WNT7A: variants seen among roughly 807,000 people sequenced by gnomAD.
WNT7A encodes the protein protein Wnt-7a.
A neutral mutation model predicts 28.2 loss-of-function variants in WNT7A; 16 were observed. The ratio of observed to expected loss-of-function variants is 0.57; its 90% CI spans 0.38 to 0.86. The LOEUF is 0.86. Ranked by LOEUF, WNT7A falls within the 40% of genes least tolerant of loss-of-function variation. The pLI, the probability that WNT7A is intolerant of heterozygous loss-of-function variation, is 0.00. For synonymous variants in WNT7A, 190 were observed against 195.9 expected (o/e 0.97, Z 0.25); for missense variants, 411 against 489.7 (o/e 0.84, Z 1.52).
At chr3:13,876,570 A>G (rs1178933337) in intron 1 of WNT7A, among the ~76,000 whole-genome samples, 1 of 152,160 alleles carries the variant, frequency 6.6e-6, no homozygotes, top group East Asian at 1.9e-4. Flanking sequence ...AGCTGTGGGC[A>G]GTTTTCTGGA....
At chr3:13,820,197 A>T (rs1388770070) in intron 3 of WNT7A, among the ~76,000 whole-genome samples, 2 of 152,188 alleles carry the variant, frequency 1.3e-5, no homozygotes, top group Non-Finnish European at 2.9e-5. Flanking sequence ...AAGTGAGCAC[A>T]GTTGCTGGTT....
chr3:13,869,855 A>G (rs1240038919), intron 2 of WNT7A, among the ~76,000 whole-genome samples: 1 of 152,188 alleles, frequency 6.6e-6, no homozygotes. Flanking sequence ...CCTGGCATTC[A>G]AGGGTCTTGA....
At position 13,875,109 on chromosome 3, in the gene WNT7A, G is replaced by A. The variant is rs758816232; in HGVS notation, c.136C>T (p.Pro46Ser). 5.6e-6 allele frequency: 9 copies of A among 1,614,240 alleles called. No homozygotes were observed. The South Asian group carries it at 9.9e-5, about 18-fold the overall frequency. Reference sequence around the variant, plus strand: ...CTCTGGCAGATCGCCCGCTGTCTGGGAGCCAGGCCTGGGATCTTGTTACAG... The same window carrying A: ...CTCTGGCAGATCGCCCGCTGTCTGGAAGCCAGGCCTGGGATCTTGTTACAG... ...IICNKIPGLAPRQRAICQSRP... is the reference protein window; with the variant it reads ...IICNKIPGLASRQRAICQSRP... The change falls in exon 2 of 4, where the codon CCC becomes TCC. Residue 46 changes from proline to serine, a missense_variant. Pro to Ser is a moderately conservative substitution (Grantham distance 74). Coordinates refer to ENST00000285018, the MANE Select transcript of WNT7A (RefSeq NM_004625.4).
intron 1 of WNT7A, among the ~76,000 whole-genome samples, chr3:13,878,726 T>A (rs1191118703): frequency 1.3e-5 from 2 of 152,120 alleles, no homozygotes; most frequent in East Asian, 3.9e-4. Flanking sequence ...GGGATGGTAA[T>A]GGGTTCACTG....
chr3:13,869,443 G>GAAA (rs1559307657), intron 2 of WNT7A, among the ~76,000 whole-genome samples: 1 of 131,952 alleles, frequency 7.6e-6, no homozygotes, highest in Non-Finnish European at 1.6e-5. Flanking sequence ...AGAAAGAAAA[G>GAAA]AAAAAGAAAG....
At chr3:13,847,081 C>T (rs1027270683) in intron 3 of WNT7A, among the ~76,000 whole-genome samples, 1 of 152,234 alleles carries the variant, frequency 6.6e-6, no homozygotes, top group East Asian at 1.9e-4. Flanking sequence ...TGTGGCATCA[C>T]TGACAGGACC....
intron 3 of WNT7A, among the ~76,000 whole-genome samples, chr3:13,833,335 A>G (rs921317514): frequency 6.6e-6 from 1 of 152,126 alleles, no homozygotes. Flanking sequence ...AGCCCTTCAC[A>G]CACAGTCCTG....
At chr3:13,849,846 T>C (rs1176229681) in intron 3 of WNT7A, among the ~76,000 whole-genome samples, 1 of 152,182 alleles carries the variant, frequency 6.6e-6, no homozygotes, top group African/African-American at 2.4e-5. Context: ...GCAATGGCCC[T>C]GAGGTGCGAA....
intron 3 of WNT7A, among the ~76,000 whole-genome samples, chr3:13,822,454 A>C (rs1449151090): frequency 6.6e-6 from 1 of 152,272 alleles, no homozygotes; most frequent in African/African-American, 2.4e-5. Context: ...GCTAAGTGAA[A>C]GTAGCCAGAT....
At chr3:13,825,164 G>A (rs1192724858) in intron 3 of WNT7A, among the ~76,000 whole-genome samples, 3 of 152,196 alleles carry the variant, frequency 2.0e-5, no homozygotes, top group African/African-American at 7.2e-5. Context: ...GGACACCAGT[G>A]CCAGGGGACC....
In WNT7A at chr3:13,821,454, C is replaced by T. The variant is rs138990422; in HGVS notation, c.571-2031G>A. ...ACCCTAGAGAATCACACTGTGTGTG[C>T]AAAGGAAACAGGTTCAAGAATGTCC... On this transcript the variant is annotated intron_variant, in intron 3 of 3. Coordinates refer to ENST00000285018, the MANE Select transcript of WNT7A (RefSeq NM_004625.4). Among the ~76,000 whole-genome samples, 1,159 of 152,308 alleles carry T rather than the reference C, an allele frequency of 7.6e-3. 17 individuals carry two copies. The highest frequency in any genetic ancestry group is 0.026 in the African/African-American group (1,083 of 41,562).
At chr3:13,869,857 G>C (rs1695004767) in intron 2 of WNT7A, among the ~76,000 whole-genome samples, 1 of 152,180 alleles carries the variant, frequency 6.6e-6, no homozygotes, top group South Asian at 2.1e-4. Context: ...TGGCATTCAA[G>C]GGTCTTGACA....
In WNT7A at chr3:13,878,776, C is replaced by T. The variant is rs73151667; in HGVS notation, c.71+970G>A. The stretch of plus-strand genomic sequence containing the variant: ...GGCAGGGTGTGTGAGACCTACCAAG[C>T]GGGCCCTTCAGCGCCAGAACCTCTA... On this transcript the variant is annotated intron_variant, in intron 1 of 3. Coordinates refer to ENST00000285018, the MANE Select transcript of WNT7A (RefSeq NM_004625.4). 7.3e-3 allele frequency among the ~76,000 whole-genome samples: 1,118 copies of T among 152,270 alleles called. 10 individuals are homozygous for T. Among genetic ancestry groups the T allele is most frequent in the African/African-American group, 0.026 (1,063 of 41,538 alleles).
intron 2 of WNT7A, among the ~76,000 whole-genome samples, chr3:13,874,004 T>C (rs1196366412): frequency 6.6e-6 from 1 of 152,164 alleles, no homozygotes; most frequent in Non-Finnish European, 1.5e-5. Flanking sequence ...AAAAGGATGA[T>C]CCTGCCTGCT....
chr3:13,873,387 C>T (rs776681265), intron 2 of WNT7A, among the ~76,000 whole-genome samples: 1 of 151,916 alleles, frequency 6.6e-6, no homozygotes, highest in African/African-American at 2.4e-5. Context: ...GCACCTCTGT[C>T]GATAAACTAT....
chr3:13,863,314 C>T (rs903547773), intron 2 of WNT7A, among the ~76,000 whole-genome samples: 4 of 152,164 alleles, frequency 2.6e-5, no homozygotes, highest in African/African-American at 7.2e-5. Flanking sequence ...ATCAGTCTCT[C>T]GCCACTAGGT....
intron 3 of WNT7A, among the ~76,000 whole-genome samples, chr3:13,845,475 T>C (rs1217729987): frequency 1.3e-5 from 2 of 152,246 alleles, no homozygotes; most frequent in African/African-American, 2.4e-5. Context: ...GTGATCATAT[T>C]GGACAGTGCA....
At position 13,856,963 on chromosome 3, in the gene WNT7A, A is replaced by G. The variant is rs1480809817; in HGVS notation, c.299-2160T>C. 3.6e-3 allele frequency among the ~76,000 whole-genome samples: 420 copies of G among 115,294 alleles called. 9 individuals carry two copies. Among genetic ancestry groups the G allele is most frequent in the African/African-American group, 0.015 (359 of 24,174 alleles). The allele number at this position is 115,294 out of a possible 152,430, so 75.6% of individuals were successfully genotyped here. On this transcript the variant is annotated intron_variant, in intron 2 of 3. Coordinates refer to ENST00000285018, the MANE Select transcript of WNT7A (RefSeq NM_004625.4). ...GAAGAAGAAGAAGAAGAAGAAGAAG[A>G]AGAAGGAGAAGAAGAAGAAGAAGGA...
chr3:13,830,307 T>G (rs1413190177), intron 3 of WNT7A, among the ~76,000 whole-genome samples: 1 of 152,134 alleles, frequency 6.6e-6, no homozygotes, highest in African/African-American at 2.4e-5. Context: ...GGAGGGCTGA[T>G]GGCTTAGTTT....
Sources: gnomAD v4.1 joint callset for allele counts (sites outside exome capture counted in the v4.1 genomes callset) on GRCh38, gnomAD v4.1.1 for gene constraint, MANE v1.5 for transcripts, NCBI Gene and HGNC (gene_info 2026-07-23, HGNC 2026-07-21) for gene names.